FOXP1: variants seen among roughly 807,000 people sequenced by gnomAD.
FOXP1 encodes forkhead box protein P1.
A neutral mutation model predicts 98.2 loss-of-function variants in FOXP1; 15 were observed. The observed-to-expected ratio is 0.15, with a 90% confidence interval of 0.10 to 0.24. The LOEUF is 0.24. Among genes scored for constraint, FOXP1 ranks in the 10% least tolerant of loss-of-function variants. The pLI is 1.00. For missense variants in FOXP1, 633 were observed against 848.5 expected, an observed-to-expected ratio of 0.75 and a Z score of 3.15; for synonymous variants, 371 against 314.5, an observed-to-expected ratio of 1.18 and a Z score of -1.90.
At chr3:71,568,289 T>A (rs140773515) in intron 2 of FOXP1, among the ~76,000 whole-genome samples, 1 of 152,048 alleles carries the variant, frequency 6.6e-6, no homozygotes, top group South Asian at 2.1e-4. Flanking sequence ...AGCAATAGAG[T>A]ACACTTAGAT....
rs561223734 is a variant in FOXP1, at chr3:71,446,408, G to A, written c.-168+47018C>T. On this transcript the variant is annotated intron_variant, in intron 3 of 20. Transcript: ENST00000649528. ...AGAATGAAGGAGTGGGTGAAACCTCGTAAACTCTTCGCAGACAAGACATGC... is the reference window on the plus strand; with the variant it reads ...AGAATGAAGGAGTGGGTGAAACCTCATAAACTCTTCGCAGACAAGACATGC... Among the ~76,000 whole-genome samples the A allele has an allele frequency of 1.5e-4, 23 of 152,176 alleles. No individual in the cohort carries two copies. The East Asian group carries it at 1.9e-3, about 13-fold the overall frequency.
chr3:71,109,560 G>A (rs1021416430), intron 7 of FOXP1, among the ~76,000 whole-genome samples: 4 of 152,112 alleles, frequency 2.6e-5, no homozygotes, highest in African/African-American at 4.8e-5. Context: ...GATCAGAGAT[G>A]AGCACTGTTA....
At chr3:71,583,904 A>G (rs1221097881), upstream of FOXP1, 3 of 976,698 alleles carry the variant, frequency 3.1e-6, no homozygotes, top group Admixed American at 6.5e-5. Context: ...TCTCCGCTTC[A>G]CGCACCCCGC....
chr3:71,123,913 C>T lies in FOXP1; in HGVS notation c.181-11276G>A, dbSNP rs148158258. Among the ~76,000 whole-genome samples, 53 of 152,098 alleles carry T rather than the reference C, an allele frequency of 3.5e-4. No homozygotes were observed. In the East Asian group the frequency reaches 8.9e-3, roughly 25 times the overall value. On this transcript the variant is annotated intron_variant, in intron 6 of 20. Transcript: ENST00000649528. ...CAGACAAGTACTAAACAGTGCAAAC[C>T]CATTATATTATTTATTTTTTCACAA...
At position 71,211,105 on chromosome 3, in the gene FOXP1, G is replaced by A. The variant is rs112308832; in HGVS notation, c.-11-12713C>T. Among the ~76,000 whole-genome samples, 1,025 of 152,184 alleles carry A rather than the reference G, an allele frequency of 6.7e-3. 11 individuals carry two copies. Among genetic ancestry groups the A allele is most frequent in the African/African-American group, 0.024 (977 of 41,524 alleles). ...GGGGTACTCTTTTCTGTTTGAAGAT[G>A]GTTTCACCTATTCCTTATCACGAGC... On this transcript the variant is annotated intron_variant, in intron 5 of 20. Transcript: ENST00000649528.
intron 7 of FOXP1, among the ~76,000 whole-genome samples, chr3:71,067,484 A>T (rs1302496699): frequency 6.6e-6 from 1 of 152,184 alleles, no homozygotes; most frequent in East Asian, 1.9e-4. Flanking sequence ...CAACAAAAAA[A>T]TTTTGGATTG....
chr3:71,010,099 A>G (rs1482854409), intron 12 of FOXP1, among the ~76,000 whole-genome samples: 1 of 152,022 alleles, frequency 6.6e-6, no homozygotes, highest in Non-Finnish European at 1.5e-5. Context: ...AGTGGTTAAC[A>G]TCCCAAATCA....
At chr3:71,568,628 T>C (rs989442037) in intron 2 of FOXP1, among the ~76,000 whole-genome samples, 4 of 148,466 alleles carry the variant, frequency 2.7e-5, no homozygotes, top group Admixed American at 2.0e-4. Context: ...TCTTCTGCTT[T>C]TTGTTTGTTC....
chr3:71,343,207 T>C (rs1479470059), intron 4 of FOXP1, among the ~76,000 whole-genome samples: 4 of 152,254 alleles, frequency 2.6e-5, no homozygotes, highest in East Asian at 1.9e-4. Flanking sequence ...CCACCATTTA[T>C]AGTTTCATCC....
intron 3 of FOXP1, among the ~76,000 whole-genome samples, chr3:71,411,136 T>A (rs1179891277): frequency 1.3e-5 from 2 of 152,232 alleles, no homozygotes; most frequent in Non-Finnish European, 2.9e-5. Flanking sequence ...ACACGCTTAT[T>A]ACCCTTTGAC....
chr3:70,974,238 C>T (rs2037007986), intron 17 of FOXP1, among the ~76,000 whole-genome samples: 1 of 151,874 alleles, frequency 6.6e-6, no homozygotes. Context: ...TTTGGCATGT[C>T]ATACACTTGA....
chr3:71,535,185 C>G (rs896555254), intron 2 of FOXP1, among the ~76,000 whole-genome samples: 1 of 152,186 alleles, frequency 6.6e-6, no homozygotes, highest in African/African-American at 2.4e-5. Flanking sequence ...CCAGGTGCAT[C>G]TGGCCCTGCT....
intron 13 of FOXP1, among the ~76,000 whole-genome samples, chr3:70,997,555 TTATC>T (rs1472162742): frequency 6.6e-6 from 1 of 152,190 alleles, no homozygotes; most frequent in Non-Finnish European, 1.5e-5. Flanking sequence ...TAACATTTTC[TTATC>T]TATTTCATCT....
At chr3:71,162,774 A>C (rs1352628836) in intron 6 of FOXP1, among the ~76,000 whole-genome samples, 1 of 152,204 alleles carries the variant, frequency 6.6e-6, no homozygotes, top group Non-Finnish European at 1.5e-5. Flanking sequence ...ATGTTAATTA[A>C]TCAAAGCCCA....
At chr3:71,004,088 TCCCC>T (rs34693302) in intron 12 of FOXP1, among the ~76,000 whole-genome samples, 1 of 151,584 alleles carries the variant, frequency 6.6e-6, no homozygotes, top group South Asian at 2.1e-4. Flanking sequence ...GAACCCTACA[TCCCC>T]CCCCAAGTTC....
At chr3:71,079,014 C>G (rs141245652) in intron 7 of FOXP1, among the ~76,000 whole-genome samples, 1 of 152,272 alleles carries the variant, frequency 6.6e-6, no homozygotes, top group Non-Finnish European at 1.5e-5. Context: ...CGCCCACTCA[C>G]GGTTTGGTTT....
At chr3:71,079,220 T>A (rs2054149321) in intron 7 of FOXP1, among the ~76,000 whole-genome samples, 1 of 152,134 alleles carries the variant, frequency 6.6e-6, no homozygotes, top group South Asian at 2.1e-4. Context: ...AACTCCTCAT[T>A]ATTCTATTAA....
At chr3:71,320,380 C>A (rs548892331) in intron 4 of FOXP1, among the ~76,000 whole-genome samples, 23 of 151,944 alleles carry the variant, frequency 1.5e-4, no homozygotes, top group Admixed American at 7.2e-4. Flanking sequence ...CATTCTACCA[C>A]GGACAGACAC....
In FOXP1 at chr3:71,418,161, G is replaced by A. The variant is rs116839110; in HGVS notation, c.-167-58917C>T. On this transcript the variant is annotated intron_variant, in intron 3 of 20. Coordinates refer to ENST00000649528, the MANE Select transcript of FOXP1 (RefSeq NM_001349338.3). ...TGTGTGTGTGTGTTTCCACTGAATT[G>A]CACCTAAAGCCAAAGGGATTTCTAT... Among the ~76,000 whole-genome samples the A allele has an allele frequency of 6.1e-3, 920 of 151,158 alleles. 4 individuals carry two copies. The highest frequency in any genetic ancestry group is 8.3e-3 in the Non-Finnish European group (562 of 67,832).
Sources: allele counts gnomAD v4.1 joint callset (sites outside exome capture counted in the v4.1 genomes callset), GRCh38; gene constraint gnomAD v4.1.1; transcripts MANE v1.5; gene names NCBI Gene and HGNC (gene_info 2026-07-23, HGNC 2026-07-21).